The following JAK2 variants were observed in gnomAD, a reference collection of about 807,000 sequenced individuals.
JAK2 encodes Janus kinase 2.
Under a neutral mutation model 139.3 loss-of-function variants are expected in JAK2, and 86 were observed. The ratio of observed to expected loss-of-function variants is 0.62; its 90% confidence interval spans 0.52 to 0.74. JAK2 has a LOEUF of 0.74. Ranked by LOEUF, JAK2 falls within the 30% of genes least tolerant of loss-of-function variation. The pLI is 0.00. For missense variants in JAK2, 1,421 were observed against 1,360.3 expected, an observed-to-expected ratio of 1.04 and a Z score of -0.70; for synonymous variants, 490 against 437.7, an observed-to-expected ratio of 1.12 and a Z score of -1.49.
At chr9:5,101,688 C>A (rs1027889645) in intron 22 of JAK2, among the ~76,000 whole-genome samples, 2 of 152,196 alleles carry the variant, frequency 1.3e-5, no homozygotes, top group Non-Finnish European at 2.9e-5. Context: ...GAGGAAGGAT[C>A]AGGCAGCAAC....
chr9:5,092,192 G>A (rs535028463), intron 22 of JAK2, among the ~76,000 whole-genome samples: 3 of 152,174 alleles, frequency 2.0e-5, no homozygotes, highest in South Asian at 2.1e-4. Flanking sequence ...AAAATCTCAC[G>A]ACAACCTTTA....
At chr9:5,058,859 G>A (rs1274386405) in intron 8 of JAK2, among the ~76,000 whole-genome samples, 1 of 152,018 alleles carries the variant, frequency 6.6e-6, no homozygotes, top group African/African-American at 2.4e-5. Flanking sequence ...ATATATTCAA[G>A]TCCTTTGCTC....
chr9:5,062,532 G>T (rs983127439), intron 8 of JAK2, among the ~76,000 whole-genome samples: 3 of 74,194 alleles, frequency 4.0e-5, no homozygotes, highest in Non-Finnish European at 7.3e-5. Context: ...AAAAAAAAAA[G>T]GTCATATCTG....
At chr9:5,023,907 T>G (rs1239644719) in intron 3 of JAK2, among the ~76,000 whole-genome samples, 2 of 152,138 alleles carry the variant, frequency 1.3e-5, no homozygotes, top group East Asian at 1.9e-4. Context: ...TTTTTAGCTT[T>G]TAAGATTTTT....
At position 4,985,640 on chromosome 9, in the gene JAK2, A is replaced by T. The variant is rs535427409; in HGVS notation, c.-109+10A>T. 6.6e-6 allele frequency: 1 copy of T among 152,012 alleles called. No individual in the cohort carries two copies. Among genetic ancestry groups the T allele is most frequent in the East Asian group, 1.9e-4 (1 of 5,282 alleles). 9.4% of individuals were successfully genotyped at this position (152,012 alleles called of 1,614,324 possible). A position where few individuals can be genotyped will look rare whatever the true frequency, so the allele number is the denominator to read the frequency against. The stretch of plus-strand genomic sequence containing the variant: ...CCGATCTGTGTAGCCGGTGGGTGTT[A>T]TCTCTGCCTGGCTTCTGGGTGGGGG... On this transcript the variant is annotated intron_variant, in intron 1 of 24. Transcript: ENST00000381652.
At chr9:5,001,204 G>A (rs58346692) in intron 2 of JAK2, among the ~76,000 whole-genome samples, 39,879 of 151,758 alleles carry the variant, frequency 0.26, 5,365 homozygotes, top group Middle Eastern at 0.37. Flanking sequence ...TTTCTTACCA[G>A]ATTGCATTAG....
chr9:5,112,517 C>A, intron 22 of JAK2: 2 of 581,522 alleles, frequency 3.4e-6, no homozygotes, highest in Middle Eastern at 3.3e-4. Context: ...CTTTTCCCCC[C>A]AGAGCAGAAG....
In JAK2 at chr9:5,128,184, T is replaced by C. The variant is rs182800121; in HGVS notation, c.*1393T>C. The C allele has an allele frequency of 3.4e-5, 8 of 232,234 alleles. No individual in the cohort carries two copies. The highest frequency in any genetic ancestry group is 1.7e-5 in the Non-Finnish European group (2 of 117,352). The allele number at this position is 232,234 out of a possible 1,614,324, so 14.4% of individuals were successfully genotyped here. A position where few individuals can be genotyped will look rare whatever the true frequency, so the allele number is the denominator to read the frequency against. On this transcript the variant is annotated 3_prime_UTR_variant, in exon 25 of 25. Transcript: ENST00000381652. ...AAAAAGAAAATAGTTTCTTACTTTA[T>C]TTTTACTGGTATGTTCTACTTTTTT... is the stretch of plus-strand genomic sequence containing the variant.
chr9:5,024,097 A>T (rs1039956497), intron 3 of JAK2, among the ~76,000 whole-genome samples: 2 of 152,100 alleles, frequency 1.3e-5, no homozygotes, highest in Non-Finnish European at 2.9e-5. Flanking sequence ...TCTGCTAAAA[A>T]TACAAAAAAT....
chr9:5,072,264 G>A (rs1056493719), intron 12 of JAK2, among the ~76,000 whole-genome samples: 2 of 152,124 alleles, frequency 1.3e-5, no homozygotes, highest in African/African-American at 2.4e-5. Flanking sequence ...TCAAAACCGA[G>A]TAGAGCCAAA....
Position 5,098,167 on chromosome 9 carries a change from C to G in JAK2, c.3059+7256C>G, listed in dbSNP as rs574807460. The G allele has an allele frequency of 1.4e-3, 215 of 152,236 alleles. 1 individual carries two copies. The highest frequency in any genetic ancestry group is 5.1e-3 in the African/African-American group (211 of 41,544). The allele number at this position is 152,236 out of a possible 1,614,324, so 9.4% of individuals were successfully genotyped here. ...TTTATGGCTGTCCACCACCTTACCACACATTTGAAGAGCCAACCTACATTA... is the reference window on the plus strand; with the variant it reads ...TTTATGGCTGTCCACCACCTTACCAGACATTTGAAGAGCCAACCTACATTA... On this transcript the variant is annotated intron_variant, in intron 22 of 24. Coordinates refer to ENST00000381652, the MANE Select transcript of JAK2 (RefSeq NM_004972.4).
chr9:5,062,380 T>G (rs539415799), intron 8 of JAK2, among the ~76,000 whole-genome samples: 1 of 151,830 alleles, frequency 6.6e-6, no homozygotes, highest in East Asian at 1.9e-4. Context: ...AGTAATAAAG[T>G]TTAAATTTTG....
intron 2 of JAK2, among the ~76,000 whole-genome samples, chr9:4,991,687 AC>A (rs965494251): frequency 8.9e-4 from 45 of 50,844 alleles, no homozygotes; most frequent in Middle Eastern, 0.012. Flanking sequence ...ACTCTTTCCC[AC>A]CCCCCCACCC....
chr9:5,119,012 CA>C (rs1823412339), intron 22 of JAK2, among the ~76,000 whole-genome samples: 1 of 152,050 alleles, frequency 6.6e-6, no homozygotes, highest in African/African-American at 2.4e-5. Flanking sequence ...TAAACTAATA[CA>C]TTCAGAAAAG....
chr9:5,071,114 A>G (rs1030431967), intron 12 of JAK2, among the ~76,000 whole-genome samples: 2 of 152,214 alleles, frequency 1.3e-5, no homozygotes, highest in Admixed American at 6.5e-5. Flanking sequence ...GCTTCATTAT[A>G]CTACCTACAT....
At position 5,077,551 on chromosome 9, in the gene JAK2, A is replaced by G; in HGVS notation, c.1963A>G (p.Lys655Glu). 1 of 1,495,338 alleles carries G rather than the reference A, an allele frequency of 6.7e-7. No homozygotes were observed. Among genetic ancestry groups the G allele is most frequent in the East Asian group, 2.6e-5 (1 of 38,644 alleles). The allele number at this position is 1,495,338 out of a possible 1,614,324, so 92.6% of individuals were successfully genotyped here. A position where few individuals can be genotyped will look rare whatever the true frequency, so the allele number is the denominator to read the frequency against. Residue 655 changes from lysine to glutamate, a missense_variant, in exon 15 of 25, where the codon AAA (lysine) becomes GAA (glutamate). Physicochemically the swap from Lys to Glu is moderately conservative, Grantham distance 56. Transcript: ENST00000381652. ...TATATTATGGAAACTTGAAGTTGCT[A>G]AACAGTTGGCATGGGCCATGCATTT... Reference protein sequence around the residue: ...INILWKLEVAKQLAWAMHFLE... With the variant: ...INILWKLEVAEQLAWAMHFLE...
At chr9:5,029,207 T>A (rs1822980482) in intron 3 of JAK2, among the ~76,000 whole-genome samples, 1 of 152,186 alleles carries the variant, frequency 6.6e-6, no homozygotes, top group African/African-American at 2.4e-5. Flanking sequence ...TTCCATATTG[T>A]TGTGTCTCAG....
At chr9:5,121,046 C>A (rs1424355839) in intron 22 of JAK2, among the ~76,000 whole-genome samples, 2 of 151,938 alleles carry the variant, frequency 1.3e-5, no homozygotes, top group Non-Finnish European at 2.9e-5. Flanking sequence ...AAGTTTTTAA[C>A]CAAGAGAGGA....
At chr9:5,104,402 T>C (rs11506663) in intron 22 of JAK2, among the ~76,000 whole-genome samples, 36,643 of 152,038 alleles carry the variant, frequency 0.24, 4,875 homozygotes, top group South Asian at 0.3. Context: ...TAACAGGCTC[T>C]GAAATTGAGG....
Sources: gnomAD v4.1 joint callset for allele counts (sites outside exome capture counted in the v4.1 genomes callset) on GRCh38, gnomAD v4.1.1 for gene constraint, MANE v1.5 for transcripts, NCBI Gene and HGNC (gene_info 2026-07-23, HGNC 2026-07-21) for gene names.